The following DEFB108B variants were observed in gnomAD, a reference collection of about 807,000 sequenced individuals.
The protein encoded by DEFB108B is defensin beta 108B.
Under a neutral mutation model 2.4 loss-of-function variants are expected in DEFB108B, and 3 were observed. That is an observed-to-expected ratio of 1.25 (90% CI 0.57 to 3.24). DEFB108B has a LOEUF of 3.24. Ranked by LOEUF, DEFB108B falls within the 30% of genes most tolerant of loss-of-function variation. The pLI is 0.03. For synonymous variants in DEFB108B, 25 were observed against 28.7 expected (o/e 0.87, Z 0.41); for missense variants, 101 against 87.8 (o/e 1.15, Z -0.60).
chr11:71,833,336 C>G, intron 1 of DEFB108B, 79 bp downstream of exon 1: 1 of 1,576,990 alleles, frequency 6.3e-7, no homozygotes, highest in Non-Finnish European at 8.6e-7. Context: ...TCACCATCAC[C>G]TATAACCAGA....
chr11:71,833,386 G>A lies in DEFB108B; in HGVS notation c.58+129G>A, dbSNP rs1359431579. ...AGGAAATCTGGAAGACTCATTGGCTGAGAGGCCTGCAGCCATCTAATTCAT... is the reference window on the plus strand; with the variant it reads ...AGGAAATCTGGAAGACTCATTGGCTAAGAGGCCTGCAGCCATCTAATTCAT... On this transcript the variant is annotated intron_variant, in intron 1 of 1. Coordinates refer to ENST00000328698, the MANE Select transcript of DEFB108B (RefSeq NM_001002035.2). 6.3e-6 allele frequency: 9 copies of A among 1,433,212 alleles called. No individual in the cohort carries two copies. The Admixed American group carries it at 1.2e-4, about 20-fold the overall frequency. 88.8% of individuals were successfully genotyped at this position (1,433,212 alleles called of 1,614,324 possible).
intron 1 of DEFB108B, 116 bp from the exon 2 acceptor site, chr11:71,837,283 C>G: frequency 7.7e-7 from 1 of 1,307,068 alleles, no homozygotes. Context: ...CACACACACA[C>G]ACACACACAA....
intron 1 of DEFB108B, among the ~76,000 whole-genome samples, chr11:71,835,888 C>T (rs1952213304): frequency 6.6e-6 from 1 of 152,176 alleles, no homozygotes; most frequent in Non-Finnish European, 1.5e-5. Context: ...GATTCCTGCC[C>T]TCAAGAAATT....
intron 1 of DEFB108B, 135 bp downstream of exon 1, chr11:71,833,392 C>G (rs1952193260): frequency 1.4e-6 from 2 of 1,391,942 alleles, no homozygotes; most frequent in Non-Finnish European, 9.6e-7. Context: ...GGCTGAGAGG[C>G]CTGCAGCCAT....
At chr11:71,835,808 A>G (rs1305281485) in intron 1 of DEFB108B, among the ~76,000 whole-genome samples, 1 of 152,246 alleles carries the variant, frequency 6.6e-6, no homozygotes, top group Non-Finnish European at 1.5e-5. Context: ...ACAATCATTT[A>G]CTGAATAGCT....
At chr11:71,835,758 T>C (rs1952212428) in intron 1 of DEFB108B, among the ~76,000 whole-genome samples, 1 of 152,204 alleles carries the variant, frequency 6.6e-6, no homozygotes, top group Admixed American at 6.5e-5. Context: ...CACAAACATA[T>C]TGCAAGTTAG....
At chr11:71,837,282 A>G (rs758770716) in intron 1 of DEFB108B, 117 bp from the exon 2 acceptor site, 14 of 1,291,028 alleles carry the variant, frequency 1.1e-5, no homozygotes, top group Non-Finnish European at 1.6e-5. Context: ...ACACACACAC[A>G]CACACACACA....
At chr11:71,837,234 A>C (rs1236814407) in intron 1 of DEFB108B, 165 bp from the exon 2 acceptor site, 4 of 924,550 alleles carry the variant, frequency 4.3e-6, no homozygotes, top group Non-Finnish European at 6.6e-6. Flanking sequence ...TCTTTGTGTG[A>C]CAGCAGATTT....
intron 1 of DEFB108B, among the ~76,000 whole-genome samples, chr11:71,833,839 G>T (rs1225385552): frequency 1.3e-5 from 2 of 152,140 alleles, no homozygotes; most frequent in Non-Finnish European, 2.9e-5. Flanking sequence ...ACAGGAACCA[G>T]GGATGACCCC....
At chr11:71,834,119 G>T (rs1952199232) in intron 1 of DEFB108B, among the ~76,000 whole-genome samples, 1 of 152,134 alleles carries the variant, frequency 6.6e-6, no homozygotes, top group Non-Finnish European at 1.5e-5. Context: ...CTCAACAGTG[G>T]GGTAAATGTC....
chr11:71,834,350 C>G (rs893667967), intron 1 of DEFB108B, among the ~76,000 whole-genome samples: 1 of 152,032 alleles, frequency 6.6e-6, no homozygotes, highest in Non-Finnish European at 1.5e-5. Flanking sequence ...GTCACCCTGG[C>G]TAAATACATG....
intron 1 of DEFB108B, among the ~76,000 whole-genome samples, chr11:71,836,082 G>A (rs1952214837): frequency 6.6e-6 from 1 of 152,232 alleles, no homozygotes; most frequent in East Asian, 1.9e-4. Flanking sequence ...TTAGCACAAG[G>A]CCAGTGGGCT....
chr11:71,835,724 A>G (rs1435462007), intron 1 of DEFB108B, among the ~76,000 whole-genome samples: 3 of 152,228 alleles, frequency 2.0e-5, no homozygotes, highest in Non-Finnish European at 4.4e-5. Flanking sequence ...AGACCTGTGA[A>G]CCGAGAGTAA....
chr11:71,835,248 C>G (rs183334587), intron 1 of DEFB108B, among the ~76,000 whole-genome samples: 3 of 152,176 alleles, frequency 2.0e-5, no homozygotes, highest in African/African-American at 7.2e-5. Context: ...TCTCCCTCCC[C>G]TCCTGGTAAG....
chr11:71,833,641 G>C (rs914700639), intron 1 of DEFB108B, among the ~76,000 whole-genome samples: 1 of 152,194 alleles, frequency 6.6e-6, no homozygotes, highest in African/African-American at 2.4e-5. Context: ...GCTGTGGTAG[G>C]CTCAGACAGA....
intron 1 of DEFB108B, among the ~76,000 whole-genome samples, chr11:71,835,241 C>T (rs1952208983): frequency 1.3e-5 from 2 of 152,110 alleles, no homozygotes; most frequent in Admixed American, 1.3e-4. Context: ...TACTCCCTCT[C>T]CCTCCCCTCC....
Position 71,837,506 on chromosome 11 carries a change from T to C in DEFB108B, c.166T>C (p.Cys56Arg). ...VGRCLNSQPCCLPLGHQPRIE... is the reference protein window; with the variant it reads ...VGRCLNSQPCRLPLGHQPRIE... The stretch of plus-strand genomic sequence containing the variant: ...GAGATGTTTAAATAGCCAACCCTGC[T>C]GCCTGCCTCTGGGGCATCAACCAAG... Residue 56 changes from cysteine to arginine, a missense_variant, in exon 2 of 2, where the codon TGC becomes CGC. Coordinates refer to ENST00000328698, the MANE Select transcript of DEFB108B (RefSeq NM_001002035.2). 6.2e-7 allele frequency: 1 copy of C among 1,611,984 alleles called. No homozygotes were observed.
intron 1 of DEFB108B, among the ~76,000 whole-genome samples, chr11:71,835,522 A>G (rs1298947517): frequency 1.3e-5 from 2 of 152,182 alleles, no homozygotes; most frequent in African/African-American, 4.8e-5. Flanking sequence ...TACCTTTGCT[A>G]CTGTGAATAC....
intron 1 of DEFB108B, chr11:71,837,144 C>T (rs531550645): frequency 8.5e-5 from 40 of 471,750 alleles, no homozygotes; most frequent in South Asian, 5.0e-4. Context: ...TAAAGGGGAG[C>T]GGGCTACTCA....
Sources: allele counts gnomAD v4.1 joint callset (sites outside exome capture counted in the v4.1 genomes callset), GRCh38; gene constraint gnomAD v4.1.1; transcripts MANE v1.5; gene names NCBI Gene and HGNC (gene_info 2026-07-23, HGNC 2026-07-21).